DLGAP2: variants seen among roughly 807,000 people sequenced by gnomAD.
The protein encoded by DLGAP2 is DLG associated protein 2.
In DLGAP2, 26 loss-of-function variants were observed where a neutral mutation model predicts 100.3. The ratio of observed to expected loss-of-function variants is 0.26; its 90% confidence interval spans 0.19 to 0.36. The LOEUF is 0.36. Ranked by LOEUF, DLGAP2 falls within the 10% of genes least tolerant of loss-of-function variation. The probability of loss-of-function intolerance (pLI) is 1.00; values close to 1 mark genes in which losing one functional copy is unlikely to be tolerated. For missense variants in DLGAP2, 1,858 were observed against 1,453.2 expected, an observed-to-expected ratio of 1.28 and a Z score of -4.53; for synonymous variants, 886 against 630.1, an observed-to-expected ratio of 1.41 and a Z score of -6.08.
At chr8:1,506,208 C>T (rs1372504857) in intron 4 of DLGAP2, among the ~76,000 whole-genome samples, 1 of 152,190 alleles carries the variant, frequency 6.6e-6, no homozygotes, top group Non-Finnish European at 1.5e-5. Context: ...AGGAATTCCC[C>T]TTGGGATGTT....
At chr8:928,380 A>C (rs1798865451) in intron 2 of DLGAP2, among the ~76,000 whole-genome samples, 2 of 152,076 alleles carry the variant, frequency 1.3e-5, no homozygotes, top group Non-Finnish European at 2.9e-5. Flanking sequence ...ACGGAGGTCG[A>C]GAATGTGTTC....
At position 1,488,720 on chromosome 8, in the gene DLGAP2, C is replaced by T. The variant is rs373485426; in HGVS notation, c.107-12646C>T. On this transcript the variant is annotated intron_variant, in intron 3 of 14. Coordinates refer to ENST00000637795, the MANE Select transcript of DLGAP2 (RefSeq NM_001346810.2). ...TTAATTCTACAACATCTCCAAAGCT[C>T]CTCCTCTGCACGATGGGCATGACGA... Among the ~76,000 whole-genome samples, 17 of 152,286 alleles carry T rather than the reference C, an allele frequency of 1.1e-4. No individual in the cohort carries two copies. The South Asian group carries it at 3.5e-3, about 32-fold the overall frequency.
Position 1,646,793 on chromosome 8 carries a change from G to A in DLGAP2, c.1810+13747G>A, listed in dbSNP as rs550504495. ...CACTAGTTAGGCTGGTGTGTCAGGA[G>A]TGAAGGGGGCCAGAGGGCAAACGGA... On this transcript the variant is annotated intron_variant, in intron 8 of 14. Transcript: ENST00000637795. 3.9e-5 allele frequency among the ~76,000 whole-genome samples: 6 copies of A among 152,086 alleles called. No individual in the cohort carries two copies. In the South Asian group the frequency reaches 1.2e-3, roughly 32 times the overall value.
intron 3 of DLGAP2, among the ~76,000 whole-genome samples, chr8:1,348,470 T>C (rs570931857): frequency 3.2e-4 from 48 of 149,922 alleles, no homozygotes; most frequent in Non-Finnish European, 6.1e-4. Context: ...ATGGTAACTG[T>C]GTGGAGGTTG....
At chr8:1,098,595 G>A (rs1330223095) in intron 2 of DLGAP2, among the ~76,000 whole-genome samples, 1 of 107,172 alleles carries the variant, frequency 9.3e-6, no homozygotes, top group Non-Finnish European at 2.2e-5. Flanking sequence ...CCCACACCAG[G>A]CTCCCGGCCG....
intron 10 of DLGAP2, 77 bp downstream of exon 10, chr8:1,669,861 C>CCG (rs1044287135): frequency 3.9e-6 from 3 of 776,118 alleles, no homozygotes; most frequent in Non-Finnish European, 7.2e-6. Context: ...GTTCATGCGA[C>CCG]CGCTCTTGTC....
At chr8:1,205,233 C>T (rs915170318) in intron 2 of DLGAP2, among the ~76,000 whole-genome samples, 2 of 152,328 alleles carry the variant, frequency 1.3e-5, no homozygotes, top group South Asian at 4.1e-4. Context: ...AGTCAATGCT[C>T]TGCCTCAGTA....
At position 1,297,505 on chromosome 8, in the gene DLGAP2, C is replaced by T. The variant is rs549073614; in HGVS notation, c.106+38622C>T. Among the ~76,000 whole-genome samples the T allele has an allele frequency of 5.5e-5, 8 of 146,162 alleles. No individual in the cohort carries two copies. The South Asian group carries it at 1.6e-3, about 29-fold the overall frequency. On this transcript the variant is annotated intron_variant, in intron 3 of 14. Transcript: ENST00000637795. ...CACGAGACAGGGAGGAGAAACGTGGCAGGCATGAACAGACACCACGTGAGA... is the reference window on the plus strand; with the variant it reads ...CACGAGACAGGGAGGAGAAACGTGGTAGGCATGAACAGACACCACGTGAGA...
chr8:1,678,295 C>A lies in DLGAP2; in HGVS notation c.2370C>A (p.Ile790=). ...DLELEGFPGH[I]TTEDKGLQFG... ...AGCTGGAGGGGTTCCCAGGCCACAT[C>A]ACCACGGAGGACAAAGGCCTTCAGT... The change falls in exon 12 of 15, where the codon ATC becomes ATA. Residue 790 remains isoleucine (I), a synonymous_variant. Coordinates refer to ENST00000637795, the MANE Select transcript of DLGAP2 (RefSeq NM_001346810.2). The A allele has an allele frequency of 6.2e-7, 1 of 1,603,948 alleles. No individual in the cohort carries two copies. Among genetic ancestry groups the A allele is most frequent in the Non-Finnish European group, 8.5e-7 (1 of 1,173,514 alleles).
At chr8:1,124,683 C>T (rs1563204258) in intron 2 of DLGAP2, among the ~76,000 whole-genome samples, 1 of 152,190 alleles carries the variant, frequency 6.6e-6, no homozygotes, top group East Asian at 1.9e-4. Flanking sequence ...TGATCCTAAG[C>T]AAACATATGA....
At chr8:1,496,686 G>A (rs1399749021) in intron 3 of DLGAP2, among the ~76,000 whole-genome samples, 2 of 152,192 alleles carry the variant, frequency 1.3e-5, no homozygotes, top group African/African-American at 4.8e-5. Flanking sequence ...GAGCAGGACA[G>A]CCATTTCTCT....
chr8:779,000 G>T (rs912743565), intron 1 of DLGAP2, among the ~76,000 whole-genome samples: 1 of 152,248 alleles, frequency 6.6e-6, no homozygotes, highest in Non-Finnish European at 1.5e-5. Flanking sequence ...GAGACTCCGT[G>T]GGGTAGGACC....
chr8:1,374,986 G>A lies in DLGAP2; in HGVS notation c.106+116103G>A, dbSNP rs965851030. Among the ~76,000 whole-genome samples, 5 of 151,484 alleles carry A rather than the reference G, an allele frequency of 3.3e-5. No individual in the cohort carries two copies. In the South Asian group the frequency reaches 8.3e-4, roughly 25 times the overall value. ...CGATCTCAAGCCCAATACCACAGCCGGGGCGCTGTCCTCACTGACAGCAGG... is the reference window on the plus strand; with the variant it reads ...CGATCTCAAGCCCAATACCACAGCCAGGGCGCTGTCCTCACTGACAGCAGG... On this transcript the variant is annotated intron_variant, in intron 3 of 14. Transcript: ENST00000637795.
chr8:1,192,245 G>T (rs938969228), intron 2 of DLGAP2, among the ~76,000 whole-genome samples: 2 of 152,146 alleles, frequency 1.3e-5, no homozygotes, highest in African/African-American at 4.8e-5. Context: ...CAGCTGAGCT[G>T]GGCAATGGGT....
chr8:1,136,141 A>G (rs900808382), intron 2 of DLGAP2, among the ~76,000 whole-genome samples: 1 of 152,146 alleles, frequency 6.6e-6, no homozygotes, highest in Non-Finnish European at 1.5e-5. Context: ...GCCAGGTAGA[A>G]GTAGTGAGGA....
intron 1 of DLGAP2, among the ~76,000 whole-genome samples, chr8:812,428 C>G (rs1251276520): frequency 6.6e-6 from 1 of 152,164 alleles, no homozygotes; most frequent in Non-Finnish European, 1.5e-5. Context: ...CCGGCCCCGC[C>G]AGACTCTCAG....
intron 3 of DLGAP2, among the ~76,000 whole-genome samples, chr8:1,359,833 CT>C (rs1801939442): frequency 6.6e-6 from 1 of 152,228 alleles, no homozygotes; most frequent in Non-Finnish European, 1.5e-5. Flanking sequence ...GTTTCTGTCA[CT>C]CTATAAGCCT....
Position 1,444,122 on chromosome 8 carries a change from G to A in DLGAP2, c.107-57244G>A, listed in dbSNP as rs530325856. 2.8e-4 allele frequency among the ~76,000 whole-genome samples: 43 copies of A among 152,038 alleles called. No individual in the cohort carries two copies. In the East Asian group the frequency reaches 4.1e-3, roughly 14 times the overall value. ...GCTCCAGTGCTTTTTGTCTCTCTCC[G>A]TTGCCCAGGCTGGAGTGCAGTGGCG... On this transcript the variant is annotated intron_variant, in intron 3 of 14. Coordinates refer to ENST00000637795, the MANE Select transcript of DLGAP2 (RefSeq NM_001346810.2).
intron 2 of DLGAP2, among the ~76,000 whole-genome samples, chr8:1,197,849 G>T (rs2116748562): frequency 6.6e-6 from 1 of 152,324 alleles, no homozygotes; most frequent in Non-Finnish European, 1.5e-5. Flanking sequence ...GGGATGAGTG[G>T]AATCAGGTTT....
Sources: allele counts gnomAD v4.1 joint callset (sites outside exome capture counted in the v4.1 genomes callset), GRCh38; gene constraint gnomAD v4.1.1; transcripts MANE v1.5; gene names NCBI Gene and HGNC (gene_info 2026-07-23, HGNC 2026-07-21).